Variants in ETV1 observed in about 807,000 individuals in gnomAD.
The protein encoded by ETV1 is ETS variant transcription factor 1, also known as ETS translocation variant 1.
A neutral mutation model predicts 62.3 loss-of-function variants in ETV1; 27 were observed. The ratio of observed to expected loss-of-function variants is 0.43; its 90% CI spans 0.32 to 0.60. The LOEUF is 0.60. Ranked by LOEUF, ETV1 falls within the 20% of genes least tolerant of loss-of-function variation. The pLI is 0.06. For missense variants in ETV1, 605 were observed against 605.8 expected (o/e 1.00, Z 0.01); for synonymous variants, 222 against 199.6 (o/e 1.11, Z -0.94).
At position 13,986,697 on chromosome 7, in the gene ETV1, G is replaced by A. The variant is rs1782582560; in HGVS notation, c.134-12C>T. The A allele has an allele frequency of 6.3e-7, 1 of 1,599,334 alleles. No individual in the cohort carries two copies. The highest frequency in any genetic ancestry group is 8.5e-7 in the Non-Finnish European group (1 of 1,170,818). On this transcript the variant is annotated splice_polypyrimidine_tract_variant and intron_variant, in intron 4 of 13. Coordinates refer to ENST00000430479, the MANE Select transcript of ETV1 (RefSeq NM_004956.5). ...ATCTTGAAAGAGTTCTAAAAAACAAGTCAAAGACATAAACATAAGATTTGC... is the reference window on the plus strand; with the variant it reads ...ATCTTGAAAGAGTTCTAAAAAACAAATCAAAGACATAAACATAAGATTTGC...
Position 13,931,757 on chromosome 7 carries a change from A to G in ETV1, c.555-8T>C, listed in dbSNP as rs372672724. ...GAAAGCTGGCGGCGAAATCTAGGGA[A>G]TAAGAGAGTGTGTTTCAGATGAAAC... On this transcript the variant is annotated splice_region_variant and splice_polypyrimidine_tract_variant and intron_variant, in intron 8 of 13. Transcript: ENST00000430479. 1 of 1,612,874 alleles carries G rather than the reference A, an allele frequency of 6.2e-7. No individual in the cohort carries two copies. The highest frequency in any genetic ancestry group is 1.3e-5 in the African/African-American group (1 of 74,920).
rs1390976438 is a variant in ETV1 at position 13,892,218 on chromosome 7, C to G, written c.*3648G>C. 4.3e-6 allele frequency: 1 copy of G among 232,322 alleles called. No homozygotes were observed. Among genetic ancestry groups the G allele is most frequent in the Non-Finnish European group, 8.5e-6 (1 of 117,690 alleles). 14.4% of individuals were successfully genotyped at this position (232,322 alleles called of 1,614,324 possible). A position where few individuals can be genotyped will look rare whatever the true frequency, so the allele number is the denominator to read the frequency against. ...ATTAAAAAATAAAATCTGGATTAGACCACTGATTTAACTGTTATTACTATT... is the reference window on the plus strand; with the variant it reads ...ATTAAAAAATAAAATCTGGATTAGAGCACTGATTTAACTGTTATTACTATT... On this transcript the variant is annotated 3_prime_UTR_variant, in exon 14 of 14. Transcript: ENST00000430479.
At chr7:13,969,976 G>T (rs1438471972) in intron 6 of ETV1, among the ~76,000 whole-genome samples, 3 of 151,988 alleles carry the variant, frequency 2.0e-5, no homozygotes, top group African/African-American at 7.3e-5. Flanking sequence ...TTTAAACTGG[G>T]CCAGGCGCAG....
intron 6 of ETV1, among the ~76,000 whole-genome samples, chr7:13,945,675 A>G (rs1056417374): frequency 3.9e-5 from 6 of 152,204 alleles, no homozygotes; most frequent in Non-Finnish European, 5.9e-5. Flanking sequence ...CTTAAATAAG[A>G]GTAGTGTAGA....
chr7:13,921,419 G>A (rs78927941), intron 9 of ETV1, among the ~76,000 whole-genome samples: 22,225 of 152,138 alleles, frequency 0.15, 2,245 homozygotes, highest in African/African-American at 0.29. Flanking sequence ...GAATAGTATT[G>A]AATATGGAAT....
intron 6 of ETV1, among the ~76,000 whole-genome samples, chr7:13,944,988 G>C (rs1583738965): frequency 6.6e-6 from 1 of 152,108 alleles, no homozygotes; most frequent in South Asian, 2.1e-4. Flanking sequence ...CTAGGGAAGA[G>C]GCAGGGAATA....
intron 6 of ETV1, among the ~76,000 whole-genome samples, chr7:13,955,400 C>T (rs900598277): frequency 2.6e-5 from 4 of 151,934 alleles, no homozygotes; most frequent in African/African-American, 9.7e-5. Context: ...TTAAAGCAGT[C>T]AAGTCCTTTT....
intron 13 of ETV1, among the ~76,000 whole-genome samples, chr7:13,896,917 G>A (rs1363084560): frequency 1.3e-5 from 2 of 152,026 alleles, no homozygotes; most frequent in African/African-American, 4.8e-5. Flanking sequence ...TCAAATTGAA[G>A]TAAGAGGTGT....
At chr7:13,899,642 A>T (rs1782208092) in intron 13 of ETV1, among the ~76,000 whole-genome samples, 1 of 152,250 alleles carries the variant, frequency 6.6e-6, no homozygotes, top group Admixed American at 6.5e-5. Flanking sequence ...TAAAACTGTA[A>T]CGTTCACAAT....
chr7:13,911,948 A>T (rs1783609926), intron 9 of ETV1, among the ~76,000 whole-genome samples: 1 of 152,204 alleles, frequency 6.6e-6, no homozygotes, highest in Non-Finnish European at 1.5e-5. Flanking sequence ...ACTTCAAATT[A>T]ATTTTTAATG....
chr7:13,979,810 A>G (rs1421522543), intron 5 of ETV1, among the ~76,000 whole-genome samples: 3 of 152,146 alleles, frequency 2.0e-5, no homozygotes, highest in Non-Finnish European at 4.4e-5. Flanking sequence ...ACTGAATATG[A>G]TGGTATGAAT....
chr7:13,948,623 T>C (rs1045320243), intron 6 of ETV1, among the ~76,000 whole-genome samples: 1 of 152,138 alleles, frequency 6.6e-6, no homozygotes, highest in African/African-American at 2.4e-5. Context: ...TTCGGTCTAG[T>C]CTAGGGCTAC....
intron 6 of ETV1, among the ~76,000 whole-genome samples, chr7:13,964,356 ACT>A (rs1221037544): frequency 6.6e-6 from 1 of 152,082 alleles, no homozygotes; most frequent in Non-Finnish European, 1.5e-5. Flanking sequence ...TTTGCTGGTA[ACT>A]CTGCAGCTGG....
intron 6 of ETV1, among the ~76,000 whole-genome samples, chr7:13,954,259 A>C (rs999900742): frequency 6.6e-6 from 1 of 152,218 alleles, no homozygotes; most frequent in African/African-American, 2.4e-5. Context: ...TACTTGCTTA[A>C]ATGAATTTAT....
intron 4 of ETV1, chr7:13,986,905 A>G (rs1382964356): frequency 2.1e-6 from 1 of 479,148 alleles, no homozygotes; most frequent in Non-Finnish European, 3.7e-6. Flanking sequence ...TTAGTCAACT[A>G]AAGAATAAAG....
intron 9 of ETV1, among the ~76,000 whole-genome samples, chr7:13,917,207 A>G (rs965106410): frequency 6.6e-6 from 1 of 152,146 alleles, no homozygotes; most frequent in East Asian, 1.9e-4. Flanking sequence ...CAAGTTTTAC[A>G]AGCCTGTGAT....
At chr7:13,971,406 T>G (rs1780891721) in intron 6 of ETV1, among the ~76,000 whole-genome samples, 1 of 152,242 alleles carries the variant, frequency 6.6e-6, no homozygotes, top group African/African-American at 2.4e-5. Flanking sequence ...TCTGTCTGGA[T>G]GATTTTTGTA....
chr7:13,895,998 C>A lies in ETV1; in HGVS notation c.1302G>T (p.Leu434=). The A allele has an allele frequency of 6.2e-7, 1 of 1,613,736 alleles. No homozygotes were observed. Among genetic ancestry groups the A allele is most frequent in the South Asian group, 1.1e-5 (1 of 90,998 alleles). Residue 434 remains leucine (L), a synonymous_variant, in exon 14 of 14, where the codon CTG becomes CTT. Transcript: ENST00000430479. ...MAFPDNQRPL[L]KTDMERHINE... ...TGATGTGACGTTCCATGTCTGTCTT[C>A]AGCAGTGGACGCTGATTATCTGGAA...
At chr7:13,908,756 AC>A (rs1213555566) in intron 11 of ETV1, among the ~76,000 whole-genome samples, 3 of 152,138 alleles carry the variant, frequency 2.0e-5, no homozygotes, top group Non-Finnish European at 4.4e-5. Context: ...CTGAGCATGT[AC>A]ATTGCTGTTT....
Sources: allele counts gnomAD v4.1 joint callset (sites outside exome capture counted in the v4.1 genomes callset), GRCh38; gene constraint gnomAD v4.1.1; transcripts MANE v1.5; gene names NCBI Gene and HGNC (gene_info 2026-07-23, HGNC 2026-07-21).